LOC400499: variants seen among roughly 807,000 people sequenced by gnomAD.
At chr16:11,372,818 T>G in the LOC400499 span, 1 of 551,062 alleles carries the variant, frequency 1.8e-6, no homozygotes, top group South Asian at 7.6e-5. Flanking sequence ...AAATAAATTA[T>G]GCTAGGGCCC....
chr16:11,447,021 A>G, the LOC400499 span: 5 of 1,249,146 alleles, frequency 4.0e-6, no homozygotes, highest in Admixed American at 2.7e-5. Context: ...TGCAGAGTTA[A>G]GACTCTGCCA....
At chr16:11,426,394 G>C in the LOC400499 span, among the ~76,000 whole-genome samples, 10 of 152,108 alleles carry the variant, frequency 6.6e-5, no homozygotes, top group African/African-American at 2.4e-4. Flanking sequence ...AATGAGCAGA[G>C]ATTGCACCAC....
chr16:11,439,737 T>C, the LOC400499 span, among the ~76,000 whole-genome samples: 3 of 152,110 alleles, frequency 2.0e-5, no homozygotes, highest in Non-Finnish European at 2.9e-5. Context: ...CTCAATCTTA[T>C]GCAGGCTGTG....
chr16:11,520,664 C>CAAAAAAAA, the LOC400499 span, among the ~76,000 whole-genome samples: 1 of 63,150 alleles, frequency 1.6e-5, no homozygotes, highest in Admixed American at 2.1e-4. Flanking sequence ...GAGACTCCAT[C>CAAAAAAAA]AAAAAAAAAA....
the LOC400499 span, among the ~76,000 whole-genome samples, chr16:11,440,045 C>G: frequency 0.058 from 8,876 of 152,006 alleles, 659 homozygotes; most frequent in East Asian, 0.22. Context: ...AACAGTGGAA[C>G]TTGGAATTGA....
At chr16:11,482,022 A>T in the LOC400499 span, among the ~76,000 whole-genome samples, 1 of 152,332 alleles carries the variant, frequency 6.6e-6, no homozygotes, top group South Asian at 2.1e-4. Flanking sequence ...CCATTTATAT[A>T]AAGTTTACAA....
At chr16:11,491,665 G>GCCCCCCCCCCCCCCC in the LOC400499 span, 2 of 344,474 alleles carry the variant, frequency 5.8e-6, no homozygotes, top group Non-Finnish European at 5.2e-6. Context: ...CCCCACCCCT[G>GCCCCCCCCCCCCCCC]CCCACACCCC....
chr16:11,491,084 A>T, the LOC400499 span, among the ~76,000 whole-genome samples: 5,106 of 152,294 alleles, frequency 0.034, 134 homozygotes, highest in Non-Finnish European at 0.049. Flanking sequence ...AGGTACTAGC[A>T]TTATCCCTAT....
chr16:11,435,499 C>G, the LOC400499 span, among the ~76,000 whole-genome samples: 1 of 152,234 alleles, frequency 6.6e-6, no homozygotes, highest in Non-Finnish European at 1.5e-5. Context: ...GTGAACACCA[C>G]CCTCTTTTCA....
At chr16:11,380,290 A>C in the LOC400499 span, among the ~76,000 whole-genome samples, 6 of 151,508 alleles carry the variant, frequency 4.0e-5, no homozygotes, top group African/African-American at 1.2e-4. Context: ...TTTCTTGCAT[A>C]ATGAACTCTC....
chr16:11,450,623 T>C, the LOC400499 span: 6 of 1,535,828 alleles, frequency 3.9e-6, no homozygotes, highest in African/African-American at 6.8e-5. Flanking sequence ...AGGTAGGTGG[T>C]AGCTGCGGTG....
chr16:11,456,805 T>C, the LOC400499 span: 1 of 1,527,064 alleles, frequency 6.5e-7, no homozygotes, highest in Non-Finnish European at 8.8e-7. Context: ...AGCAAAGGCC[T>C]GGAGATCAGA....
chr16:11,477,115 G>A, the LOC400499 span, among the ~76,000 whole-genome samples: 1 of 152,242 alleles, frequency 6.6e-6, no homozygotes, highest in Non-Finnish European at 1.5e-5. Context: ...GTCCTCACCT[G>A]CACTAATCCC....
At chr16:11,479,163 G>C in the LOC400499 span, among the ~76,000 whole-genome samples, 1 of 152,204 alleles carries the variant, frequency 6.6e-6, no homozygotes. Context: ...TCAAGAACTT[G>C]TGGGATCCAG....
chr16:11,525,475 G>C, the LOC400499 span, among the ~76,000 whole-genome samples: 1 of 152,082 alleles, frequency 6.6e-6, no homozygotes, highest in Non-Finnish European at 1.5e-5. Flanking sequence ...CATTCAAGTA[G>C]AATATCAACA....
chr16:11,421,579 T>C, the LOC400499 span, among the ~76,000 whole-genome samples: 1 of 152,172 alleles, frequency 6.6e-6, no homozygotes, highest in African/African-American at 2.4e-5. Flanking sequence ...TTTTGTTGTA[T>C]TTTTAGTAGA....
the LOC400499 span, chr16:11,399,253 C>A: frequency 6.1e-6 from 6 of 985,346 alleles, no homozygotes; most frequent in Non-Finnish European, 6.0e-6. Flanking sequence ...TCGGGCCGTT[C>A]CCCTTGCTTT....
chr16:11,435,648 C>G, the LOC400499 span: 1 of 399,418 alleles, frequency 2.5e-6, no homozygotes, highest in Non-Finnish European at 4.4e-6. Flanking sequence ...CGCAGGCCAC[C>G]TGGGGACCAT....
the LOC400499 span, among the ~76,000 whole-genome samples, chr16:11,499,459 T>C: frequency 4.6e-5 from 7 of 152,020 alleles, no homozygotes; most frequent in Non-Finnish European, 8.8e-5. Context: ...CCTGCTAGGC[T>C]GTGAACTGTG....
Sources: allele counts gnomAD v4.1 joint callset (sites outside exome capture counted in the v4.1 genomes callset), GRCh38; gene constraint gnomAD v4.1.1; transcripts MANE v1.5.